Variants in FRMD4A observed in about 807,000 individuals in gnomAD.
FRMD4A encodes the protein FERM domain containing 4A, also known as FERM domain-containing protein 4A.
In FRMD4A, 29 loss-of-function variants were observed where a neutral mutation model predicts 129.1. The observed-to-expected ratio is 0.22, with a 90% CI of 0.17 to 0.31. The LOEUF is 0.31. Among genes scored for constraint, FRMD4A ranks in the 10% least tolerant of loss-of-function variants. The probability of loss-of-function intolerance (pLI) is 1.00; values close to 1 mark genes in which losing one functional copy is unlikely to be tolerated. For missense variants in FRMD4A, 1,272 were observed against 1,375.8 expected (o/e 0.92, Z 1.19); for synonymous variants, 634 against 571.6 (o/e 1.11, Z -1.56).
chr10:13,739,814 T>C (rs2090878925), intron 11 of FRMD4A, among the ~76,000 whole-genome samples: 2 of 152,040 alleles, frequency 1.3e-5, no homozygotes, highest in African/African-American at 2.4e-5. Flanking sequence ...AAAAAAACAA[T>C]GAGGGCCAGG....
intron 2 of FRMD4A, among the ~76,000 whole-genome samples, chr10:14,091,415 C>G (rs568938727): frequency 6.6e-6 from 1 of 151,826 alleles, no homozygotes; most frequent in African/African-American, 2.4e-5. Flanking sequence ...CATTTCCATT[C>G]TTAGTTTTTT....
chr10:14,136,931 T>G (rs941744160), intron 2 of FRMD4A, among the ~76,000 whole-genome samples: 3 of 152,354 alleles, frequency 2.0e-5, no homozygotes, highest in African/African-American at 7.2e-5. Context: ...CGCCAAATTG[T>G]GGTATACCTC....
chr10:13,918,381 A>G lies in FRMD4A; in HGVS notation c.46-59469T>C, dbSNP rs17154179. On this transcript the variant is annotated intron_variant, in intron 2 of 24. Transcript: ENST00000357447. ...ACAAGCAGTAAAAATGTCACGTAGA[A>G]TTTTAGAAACTTGAACTTTCAAAGC... 7.1e-3 allele frequency among the ~76,000 whole-genome samples: 1,085 copies of G among 152,298 alleles called. 13 individuals carry two copies. Among genetic ancestry groups the G allele is most frequent in the African/African-American group, 0.024 (1,005 of 41,558 alleles).
intron 2 of FRMD4A, among the ~76,000 whole-genome samples, chr10:13,940,704 G>A (rs1218937996): frequency 1.3e-5 from 2 of 152,202 alleles, no homozygotes; most frequent in Non-Finnish European, 2.9e-5. Context: ...GTGATGGGAT[G>A]AGAATGTCAA....
At chr10:13,765,761 T>G (rs1169715768) in intron 6 of FRMD4A, among the ~76,000 whole-genome samples, 1 of 152,218 alleles carries the variant, frequency 6.6e-6, no homozygotes, top group Non-Finnish European at 1.5e-5. Flanking sequence ...CCCATCAGAA[T>G]GTAAATCATT....
intron 2 of FRMD4A, among the ~76,000 whole-genome samples, chr10:14,003,871 C>T (rs2095651913): frequency 6.6e-6 from 1 of 152,240 alleles, no homozygotes; most frequent in Admixed American, 6.5e-5. Context: ...CCTCCCTGCC[C>T]CAAGGCAAAC....
intron 2 of FRMD4A, among the ~76,000 whole-genome samples, chr10:14,051,171 C>A (rs1588873064): frequency 6.6e-6 from 1 of 152,208 alleles, no homozygotes; most frequent in Non-Finnish European, 1.5e-5. Flanking sequence ...CAGTATCTAG[C>A]CTTTCGATGC....
At chr10:14,112,527 A>C (rs959791574) in intron 2 of FRMD4A, among the ~76,000 whole-genome samples, 14 of 152,134 alleles carry the variant, frequency 9.2e-5, no homozygotes, top group Non-Finnish European at 1.9e-4. Context: ...GAATGATTAA[A>C]CTTTCTTCCT....
chr10:13,679,472 T>TACACACACAC (rs1169130994), intron 15 of FRMD4A, among the ~76,000 whole-genome samples: 20 of 21,390 alleles, frequency 9.4e-4, no homozygotes, highest in East Asian at 5.7e-3. Flanking sequence ...TATATATATA[T>TACACACACAC]ATACACACAC....
At chr10:14,154,340 T>C (rs190575941) in intron 2 of FRMD4A, among the ~76,000 whole-genome samples, 86 of 152,274 alleles carry the variant, frequency 5.6e-4, no homozygotes, top group Middle Eastern at 3.4e-3. Flanking sequence ...TTTTTTGATA[T>C]CATTGAGATT....
chr10:14,032,262 A>G (rs1248344337), intron 2 of FRMD4A, among the ~76,000 whole-genome samples: 2 of 152,264 alleles, frequency 1.3e-5, no homozygotes, highest in African/African-American at 4.8e-5. Flanking sequence ...AACATATATT[A>G]CAATATGTAA....
At chr10:13,789,775 G>GTGTGTGTGTC (rs2092952830) in intron 5 of FRMD4A, among the ~76,000 whole-genome samples, 5 of 148,278 alleles carry the variant, frequency 3.4e-5, no homozygotes, top group African/African-American at 1.3e-4. Flanking sequence ...TATAATGTGT[G>GTGTGTGTGTC]TGTGTGTGTG....
At chr10:13,666,911 CTTTTTT>C (rs10546068) in intron 17 of FRMD4A, among the ~76,000 whole-genome samples, 14 of 114,384 alleles carry the variant, frequency 1.2e-4, no homozygotes, top group South Asian at 8.9e-4. Flanking sequence ...CTTTTCTTTT[CTTTTTT>C]TTTTTTTTTT....
intron 2 of FRMD4A, among the ~76,000 whole-genome samples, chr10:14,290,643 C>T (rs753183404): frequency 1.2e-4 from 18 of 151,988 alleles, no homozygotes; most frequent in Non-Finnish European, 2.1e-4. Context: ...GAAGAAAACA[C>T]AAGGAACAGC....
chr10:13,685,001 A>G (rs778685473), intron 15 of FRMD4A: 33 of 983,586 alleles, frequency 3.4e-5, no homozygotes, highest in Non-Finnish European at 3.7e-5. Flanking sequence ...TGATAAAAAG[A>G]TATTTATTTC....
Position 13,836,985 on chromosome 10 carries a change from C to T in FRMD4A, c.111+21862G>A, listed in dbSNP as rs2093886352. Among the ~76,000 whole-genome samples the T allele has an allele frequency of 2.6e-5, 4 of 152,088 alleles. 1 individual carries two copies. The highest frequency in any genetic ancestry group is 2.6e-4 in the Admixed American group (4 of 15,280). Reference sequence around the variant, plus strand: ...TGTTAGCCAGGACGGTCTCGAGCTCCTGACCTCATGATCTGCCTGCCTCAG... The same window carrying T: ...TGTTAGCCAGGACGGTCTCGAGCTCTTGACCTCATGATCTGCCTGCCTCAG... On this transcript the variant is annotated intron_variant, in intron 3 of 24. Coordinates refer to ENST00000357447, the MANE Select transcript of FRMD4A (RefSeq NM_018027.5).
intron 2 of FRMD4A, among the ~76,000 whole-genome samples, chr10:14,179,050 A>G (rs1180179991): frequency 1.3e-5 from 2 of 152,206 alleles, no homozygotes; most frequent in African/African-American, 4.8e-5. Flanking sequence ...TCTCTAGACT[A>G]GGAGCACTTG....
At chr10:14,242,232 A>G (rs1414152794) in intron 2 of FRMD4A, among the ~76,000 whole-genome samples, 2 of 152,230 alleles carry the variant, frequency 1.3e-5, no homozygotes, top group Non-Finnish European at 2.9e-5. Flanking sequence ...CGTATGGAGC[A>G]TGGGGATGAG....
chr10:14,026,609 C>A (rs1832997454), intron 2 of FRMD4A, among the ~76,000 whole-genome samples: 1 of 152,170 alleles, frequency 6.6e-6, no homozygotes, highest in Non-Finnish European at 1.5e-5. Flanking sequence ...AAATCTATTT[C>A]CCTGATGGGC....
Sources: allele counts gnomAD v4.1 joint callset (sites outside exome capture counted in the v4.1 genomes callset), GRCh38; gene constraint gnomAD v4.1.1; transcripts MANE v1.5; gene names NCBI Gene and HGNC (gene_info 2026-07-23, HGNC 2026-07-21).